Variants in HIVEP3 observed in about 807,000 individuals in gnomAD.
HIVEP3 encodes HIVEP zinc finger 3.
HIVEP3 carries 49 observed loss-of-function variants against 152.8 expected under a neutral mutation model. The observed-to-expected ratio is 0.32, with a 90% CI of 0.26 to 0.41. The LOEUF is 0.41. HIVEP3 is among the 10% of genes least tolerant of loss of function. The pLI is 1.00. For missense variants in HIVEP3, 2,790 were observed against 3,103.3 expected (o/e 0.90, Z 2.40); for synonymous variants, 1,269 against 1,289.0 (o/e 0.98, Z 0.33).
intron 1 of HIVEP3, among the ~76,000 whole-genome samples, chr1:41,843,060 G>A (rs1173738101): frequency 6.6e-6 from 1 of 152,174 alleles, no homozygotes; most frequent in Non-Finnish European, 1.5e-5. Flanking sequence ...GCCCTCAGCT[G>A]TGAAGTCCTC....
At chr1:41,673,978 A>G (rs1645915966) in intron 2 of HIVEP3, among the ~76,000 whole-genome samples, 1 of 152,182 alleles carries the variant, frequency 6.6e-6, no homozygotes, top group African/African-American at 2.4e-5. Flanking sequence ...AAACAGGCAC[A>G]GAGAGCTTTG....
intron 3 of HIVEP3, among the ~76,000 whole-genome samples, chr1:41,594,325 C>A (rs549244251): frequency 1.3e-5 from 2 of 152,274 alleles, no homozygotes; most frequent in East Asian, 3.9e-4. Context: ...TGGGTTCATG[C>A]AATTCTCCTG....
chr1:41,706,445 C>T (rs527960354), intron 1 of HIVEP3, among the ~76,000 whole-genome samples: 1 of 152,262 alleles, frequency 6.6e-6, no homozygotes, highest in East Asian at 1.9e-4. Context: ...CCACACCTCG[C>T]TAATTTTTGT....
intron 2 of HIVEP3, among the ~76,000 whole-genome samples, chr1:41,693,399 G>A (rs1570329082): frequency 6.6e-6 from 1 of 152,108 alleles, no homozygotes; most frequent in Non-Finnish European, 1.5e-5. Context: ...TGTTTAATGT[G>A]TCTCCTTTGC....
chr1:41,674,203 C>T (rs1364042142), intron 2 of HIVEP3, among the ~76,000 whole-genome samples: 1 of 152,188 alleles, frequency 6.6e-6, no homozygotes, highest in East Asian at 1.9e-4. Flanking sequence ...TCTCCAATGC[C>T]CAGTCCAGTG....
chr1:41,580,909 A>G lies in HIVEP3; in HGVS notation c.3889T>C (p.Ser1297Pro), dbSNP rs1341899870. The change falls in exon 4 of 9, where the codon TCA becomes CCA. Residue 1297 changes from serine (S) to proline (P), a missense_variant. Physicochemically the swap from Ser to Pro is moderately conservative, Grantham distance 74. Around this residue, in one of 9 missense-constraint regions of HIVEP3, gnomAD observed 1,078 missense variants for 1,165.3 expected, o/e 0.93. Coordinates refer to ENST00000372583, the MANE Select transcript of HIVEP3 (RefSeq NM_024503.5). ...LPPVAPPASS[S>P]APTSAPPLAL... is the part of the protein sequence containing the mutation. ...AGTGGAGGAGCTGATGTAGGTGCTG[A>G]GGAGCTGGCTGGGGGAGCCACAGGG... The G allele has an allele frequency of 1.6e-5, 25 of 1,612,636 alleles. No homozygotes were observed. Among genetic ancestry groups the G allele is most frequent in the Non-Finnish European group, 1.9e-5 (23 of 1,179,500 alleles).
At chr1:41,686,061 GT>G (rs1198331373) in intron 2 of HIVEP3, among the ~76,000 whole-genome samples, 1 of 149,338 alleles carries the variant, frequency 6.7e-6, no homozygotes, top group African/African-American at 2.5e-5. Flanking sequence ...TTGTTTGTTT[GT>G]TTTGTTTTGT....
intron 1 of HIVEP3, among the ~76,000 whole-genome samples, chr1:41,796,497 A>T (rs1031020849): frequency 1.1e-4 from 16 of 152,356 alleles, no homozygotes; most frequent in Non-Finnish European, 2.2e-4. Flanking sequence ...GTTAAATTAG[A>T]TGCTGCATAG....
chr1:41,510,549 C>T lies in HIVEP3; in HGVS notation c.7123G>A (p.Glu2375Lys), dbSNP rs1023426015. 1.9e-5 allele frequency: 30 copies of T among 1,575,292 alleles called. No homozygotes were observed. In the East Asian group the frequency reaches 6.8e-4, roughly 36 times the overall value. The change falls in exon 9 of 9, where the codon GAA (glutamate) becomes AAA (lysine). Residue 2375 changes from glutamate to lysine, a missense_variant. Around this residue, in one of 9 missense-constraint regions of HIVEP3, gnomAD observed 816 missense variants for 806.5 expected, o/e 1.01. Coordinates refer to ENST00000372583, the MANE Select transcript of HIVEP3 (RefSeq NM_024503.5). ...FPARTRNLSG[E>K]PRTRQDSPKP... ...GGGGAGTCCTGCCTGGTCCTGGGTT[C>T]CCCGGAGAGGTTCCTCGTCCGGGCT...
chr1:41,887,215 T>C (rs1327880843), intron 1 of HIVEP3, among the ~76,000 whole-genome samples: 5 of 150,940 alleles, frequency 3.3e-5, no homozygotes, highest in Admixed American at 2.6e-4. Context: ...AAAAGTATTA[T>C]GGAGGTTTCA....
Position 41,511,334 on chromosome 1 carries a change from G to A in HIVEP3, c.6406-68C>T. Reference sequence around the variant, plus strand: ...CTGGGCACATGGGGAGCCGAGGCCTGGAAGTGGGAGGGGGACTCGCCCAAG... The same window carrying A: ...CTGGGCACATGGGGAGCCGAGGCCTAGAAGTGGGAGGGGGACTCGCCCAAG... On this transcript the variant is annotated intron_variant, in intron 8 of 8. Coordinates refer to ENST00000372583, the MANE Select transcript of HIVEP3 (RefSeq NM_024503.5). This position sits in a 1 kb window ranked among gnomAD's most constrained non-coding sequence, Gnocchi z 4.9. The A allele has an allele frequency of 7.4e-7, 1 of 1,347,122 alleles. No homozygotes were observed. Among genetic ancestry groups the A allele is most frequent in the South Asian group, 1.4e-5 (1 of 69,730 alleles). The allele number at this position is 1,347,122 out of a possible 1,614,324, so 83.4% of individuals were successfully genotyped here. A position where few individuals can be genotyped will look rare whatever the true frequency, so the allele number is the denominator to read the frequency against.
chr1:41,674,724 C>T (rs1405410322), intron 2 of HIVEP3, among the ~76,000 whole-genome samples: 1 of 152,202 alleles, frequency 6.6e-6, no homozygotes, highest in Non-Finnish European at 1.5e-5. Flanking sequence ...ATCCAGCCGC[C>T]TTTCCACACA....
At chr1:42,005,089 T>C (rs980158278) in intron 1 of HIVEP3, among the ~76,000 whole-genome samples, 1 of 152,166 alleles carries the variant, frequency 6.6e-6, no homozygotes, top group African/African-American at 2.4e-5. Context: ...ATGGGAGCAC[T>C]GCCCCCTCCA....
chr1:41,719,060 T>C (rs998396625), intron 1 of HIVEP3, among the ~76,000 whole-genome samples: 3 of 152,150 alleles, frequency 2.0e-5, no homozygotes, highest in Admixed American at 6.5e-5. Flanking sequence ...CTGTGAGAGA[T>C]AAAGGCCAGA....
intron 1 of HIVEP3, among the ~76,000 whole-genome samples, chr1:41,806,786 T>C (rs1024506183): frequency 6.6e-6 from 1 of 152,090 alleles, no homozygotes; most frequent in African/African-American, 2.4e-5. Context: ...GGAAGGGGCA[T>C]CTCAGGACGA....
At chr1:41,532,722 A>T (rs1643298333) in intron 5 of HIVEP3, among the ~76,000 whole-genome samples, 1 of 152,112 alleles carries the variant, frequency 6.6e-6, no homozygotes. Context: ...ACCACCCCCG[A>T]GCTTGGGGGG....
At chr1:41,848,418 G>A (rs1488181785) in intron 1 of HIVEP3, 2 of 152,268 alleles carry the variant, frequency 1.3e-5, no homozygotes, top group African/African-American at 4.8e-5. Flanking sequence ...GCCAGATGAT[G>A]TGAAGGGCTC....
At chr1:41,976,361 A>G (rs1645259302) in intron 1 of HIVEP3, among the ~76,000 whole-genome samples, 1 of 152,232 alleles carries the variant, frequency 6.6e-6, no homozygotes, top group Admixed American at 6.5e-5. Flanking sequence ...TCGATGCCAG[A>G]AACACAACTC....
At chr1:41,865,953 C>T (rs1209538610) in intron 1 of HIVEP3, among the ~76,000 whole-genome samples, 2 of 152,196 alleles carry the variant, frequency 1.3e-5, no homozygotes, top group Admixed American at 1.3e-4. Flanking sequence ...ACTAACAAGG[C>T]TTTTATGGTA....
Sources: allele counts gnomAD v4.1 joint callset (sites outside exome capture counted in the v4.1 genomes callset), GRCh38; gene constraint gnomAD v4.1.1; regional missense constraint gnomAD v4.1.1; non-coding constraint Gnocchi (gnomAD v3.1); transcripts MANE v1.5; gene names NCBI Gene and HGNC (gene_info 2026-07-23, HGNC 2026-07-21).